Variants in NRG1 observed in about 807,000 individuals in gnomAD.
The protein encoded by NRG1 is pro-neuregulin-1, membrane-bound isoform.
A neutral mutation model predicts 63.8 loss-of-function variants in NRG1; 18 were observed. The observed-to-expected ratio is 0.28, with a 90% CI of 0.19 to 0.42. The LOEUF (loss-of-function observed/expected upper bound fraction) is 0.42, where lower values mean the gene tolerates loss of function less well. Among genes scored for constraint, NRG1 ranks in the 10% least tolerant of loss-of-function variants. The pLI is 1.00. For missense variants in NRG1, 762 were observed against 814.7 expected (o/e 0.94, Z 0.79); for synonymous variants, 302 against 301.3 (o/e 1.00, Z -0.02).
At chr8:31,687,783 A>G (rs1345851362) in intron 1 of NRG1, among the ~76,000 whole-genome samples, 1 of 152,230 alleles carries the variant, frequency 6.6e-6, no homozygotes, top group Non-Finnish European at 1.5e-5. Context: ...ATGGTTAATC[A>G]GTTTAGTGCC....
At chr8:32,188,506 G>A (rs372922888) in intron 1 of NRG1, among the ~76,000 whole-genome samples, 11 of 152,152 alleles carry the variant, frequency 7.2e-5, no homozygotes, top group African/African-American at 2.7e-4. Flanking sequence ...GAAGGGGAAG[G>A]GAGACTGCAG....
chr8:32,161,726 A>T (rs1838853428), intron 1 of NRG1, among the ~76,000 whole-genome samples: 1 of 152,228 alleles, frequency 6.6e-6, no homozygotes, highest in Admixed American at 6.5e-5. Context: ...GAGGATACTC[A>T]GGAATCCATT....
intron 1 of NRG1, among the ~76,000 whole-genome samples, chr8:32,173,931 C>T (rs551888046): frequency 4.9e-4 from 75 of 152,208 alleles, no homozygotes; most frequent in South Asian, 1.5e-3. Flanking sequence ...GACTGATCAA[C>T]GAGACAGAAA....
At chr8:32,638,533 G>A (rs1851751118) in intron 5 of NRG1, among the ~76,000 whole-genome samples, 1 of 152,122 alleles carries the variant, frequency 6.6e-6, no homozygotes, top group East Asian at 1.9e-4. Context: ...TCCTTCTGTT[G>A]CCTAGGCTGG....
chr8:32,650,096 A>T (rs2954043), intron 5 of NRG1, among the ~76,000 whole-genome samples: 1 of 152,246 alleles, frequency 6.6e-6, no homozygotes, highest in African/African-American at 2.4e-5. Context: ...ACAAAGAAAC[A>T]TCTAACACAT....
intron 1 of NRG1, among the ~76,000 whole-genome samples, chr8:32,590,161 A>G (rs1842279714): frequency 6.6e-6 from 1 of 152,218 alleles, no homozygotes; most frequent in African/African-American, 2.4e-5. Context: ...AATGTGTGGC[A>G]TTGCTCTGAA....
At chr8:31,962,912 G>A (rs2129626409) in intron 1 of NRG1, among the ~76,000 whole-genome samples, 1 of 152,256 alleles carries the variant, frequency 6.6e-6, no homozygotes, top group Middle Eastern at 3.4e-3. Context: ...ATATAGCTTT[G>A]AGAAGCCTCA....
intron 1 of NRG1, among the ~76,000 whole-genome samples, chr8:31,658,798 G>C (rs975840682): frequency 6.6e-6 from 1 of 152,300 alleles, no homozygotes; most frequent in East Asian, 1.9e-4. Context: ...TCAGCAGAGG[G>C]AAGGGAGAGT....
At chr8:32,672,816 G>A (rs1264298154) in intron 5 of NRG1, among the ~76,000 whole-genome samples, 2 of 151,930 alleles carry the variant, frequency 1.3e-5, no homozygotes, top group Non-Finnish European at 2.9e-5. Flanking sequence ...TGTTCTCTGA[G>A]GCATTTAGCT....
intron 1 of NRG1, among the ~76,000 whole-genome samples, chr8:32,273,185 A>G (rs747634097): frequency 6.6e-6 from 1 of 152,308 alleles, no homozygotes; most frequent in Admixed American, 6.5e-5. Context: ...TATGAGTTGC[A>G]TATGTGCTTT....
Position 31,690,152 on chromosome 8 carries a change from T to C in NRG1, c.37+50721T>C, listed in dbSNP as rs573406847. 2.0e-5 allele frequency among the ~76,000 whole-genome samples: 3 copies of C among 152,330 alleles called. No individual in the cohort carries two copies. The South Asian group carries it at 6.2e-4, about 32-fold the overall frequency. On this transcript the variant is annotated intron_variant, in intron 1 of 10. Transcript: ENST00000519301. Reference sequence around the variant, plus strand: ...TCCACACTTCTCCTTCCTGCTGCCATGTGAATAATGATGTGTTTGCTTCCC... The same window carrying C: ...TCCACACTTCTCCTTCCTGCTGCCACGTGAATAATGATGTGTTTGCTTCCC...
chr8:32,418,790 T>C (rs563216253), intron 1 of NRG1, among the ~76,000 whole-genome samples: 153 of 152,324 alleles, frequency 1.0e-3, no homozygotes, highest in African/African-American at 3.6e-3. Context: ...AAGATTGTTC[T>C]TAAAACCAGC....
Position 31,967,424 on chromosome 8 carries a change from C to G in NRG1, c.37+327993C>G, listed in dbSNP as rs972058834. Among the ~76,000 whole-genome samples the G allele has an allele frequency of 4.2e-4, 64 of 152,120 alleles. 1 individual carries two copies. Among genetic ancestry groups the G allele is most frequent in the Admixed American group, 2.9e-3 (45 of 15,270 alleles). On this transcript the variant is annotated intron_variant, in intron 1 of 10. Coordinates refer to the NRG1 transcript ENST00000519301. ...CTTGGATAGTGAGAAGTACTCAGGT[C>G]TGAGTAGCCTCAGACAGTGGAGTCA...
intron 1 of NRG1, among the ~76,000 whole-genome samples, chr8:32,113,391 G>A (rs1832292677): frequency 6.6e-6 from 1 of 152,004 alleles, no homozygotes. Flanking sequence ...CACCTTCTGG[G>A]GTCCCACCTT....
At chr8:32,223,341 G>T (rs1022129186) in intron 1 of NRG1, among the ~76,000 whole-genome samples, 2 of 152,156 alleles carry the variant, frequency 1.3e-5, no homozygotes, top group South Asian at 2.1e-4. Flanking sequence ...CATTGCAAAG[G>T]TGTAATACTT....
intron 11 of NRG1, chr8:32,763,124 A>T: frequency 8.0e-7 from 1 of 1,246,394 alleles, no homozygotes; most frequent in Non-Finnish European, 1.2e-6. Flanking sequence ...AATGTTAACT[A>T]GTTGCATTTC....
chr8:32,482,996 G>T (rs780359817), intron 1 of NRG1, among the ~76,000 whole-genome samples: 2 of 152,240 alleles, frequency 1.3e-5, no homozygotes, highest in Non-Finnish European at 2.9e-5. Flanking sequence ...GCGTTAGACA[G>T]CATGAGGCTT....
At chr8:31,930,662 A>G (rs568959404) in intron 1 of NRG1, among the ~76,000 whole-genome samples, 2 of 151,952 alleles carry the variant, frequency 1.3e-5, no homozygotes, top group Non-Finnish European at 2.9e-5. Context: ...ACAATTTAGA[A>G]ATTGTATTTT....
intron 1 of NRG1, among the ~76,000 whole-genome samples, chr8:32,576,966 C>G (rs1385999064): frequency 6.6e-6 from 1 of 152,054 alleles, no homozygotes; most frequent in Non-Finnish European, 1.5e-5. Flanking sequence ...AACTCCTGTT[C>G]CCTCCTTCCC....
Sources: allele counts gnomAD v4.1 joint callset (sites outside exome capture counted in the v4.1 genomes callset), GRCh38; gene constraint gnomAD v4.1.1; transcripts MANE v1.5; gene names NCBI Gene and HGNC (gene_info 2026-07-23, HGNC 2026-07-21).